ADIRF: variants seen among roughly 807,000 people sequenced by gnomAD.
ADIRF encodes adipogenesis factor rich in obesity.
ADIRF carries 9 observed loss-of-function variants against 7.8 expected under a neutral mutation model. The observed-to-expected ratio is 1.15, with a 90% CI of 0.70 to 2.01. ADIRF has a LOEUF of 2.01. Among genes scored for constraint, ADIRF ranks in the 30% most tolerant of loss-of-function variants. The pLI is 0.00. For synonymous variants in ADIRF, 48 were observed against 39.9 expected, an observed-to-expected ratio of 1.20 and a Z score of -0.77; for missense variants, 106 against 98.1, an observed-to-expected ratio of 1.08 and a Z score of -0.34.
chr10:86,968,517 TTGAC>T lies in ADIRF; in HGVS notation c.-27_-24del, dbSNP rs1367109724. ...GGATCCAACGTCGCTCCAGCTGCTCTTGACGACTCCACAGATACCCCGAAGCCAT... is the reference window on the plus strand; with the variant it reads ...GGATCCAACGTCGCTCCAGCTGCTCTGACTCCACAGATACCCCGAAGCCAT... On this transcript the variant is annotated 5_prime_UTR_variant, in exon 1 of 3. Transcript: ENST00000372013. 14 of 1,613,104 alleles carry T rather than the reference TTGAC, an allele frequency of 8.7e-6. No individual in the cohort carries two copies. Among genetic ancestry groups the T allele is most frequent in the Non-Finnish European group, 1.2e-5 (14 of 1,179,660 alleles).
In ADIRF at chr10:86,970,314, C is replaced by G. The variant is rs773261274; in HGVS notation, c.124+52C>G. 6.6e-6 allele frequency: 10 copies of G among 1,504,112 alleles called. No individual in the cohort carries two copies. The African/African-American group carries it at 1.1e-4, about 17-fold the overall frequency. 93.2% of individuals were successfully genotyped at this position (1,504,112 alleles called of 1,614,324 possible). On this transcript the variant is annotated intron_variant, in intron 2 of 2. Transcript: ENST00000372013. ...CAACCCCAGCACACCTCCCACTCCCCGCCCCATCCCGGCTGGGGCCCAGGC... is the reference window on the plus strand; with the variant it reads ...CAACCCCAGCACACCTCCCACTCCCGGCCCCATCCCGGCTGGGGCCCAGGC...
At chr10:86,970,145 A>G in intron 1 of ADIRF, 55 bp from the exon 2 acceptor site, 1 of 1,397,738 alleles carries the variant, frequency 7.2e-7, no homozygotes, top group Non-Finnish European at 9.4e-7. Context: ...ATGGTGGGGC[A>G]CCTGTAGTCG....
chr10:86,968,569 C>T lies in ADIRF; in HGVS notation c.25C>T (p.Leu9=). ...CATGGCAAGCAAGGGCTTGCAGGACCTGAAGCAACAGGTGGAGGGGACCGC... is the reference window on the plus strand; with the variant it reads ...CATGGCAAGCAAGGGCTTGCAGGACTTGAAGCAACAGGTGGAGGGGACCGC... The part of the protein sequence containing the change: MASKGLQD[L]KQQVEGTAQE... Residue 9 remains leucine, a synonymous_variant, in exon 1 of 3, where the codon CTG becomes TTG. Transcript: ENST00000372013. The T allele has an allele frequency of 1.9e-6, 3 of 1,613,624 alleles. No homozygotes were observed. Among genetic ancestry groups the T allele is most frequent in the South Asian group, 1.1e-5 (1 of 91,042 alleles).
At position 86,970,286 on chromosome 10, in the gene ADIRF, G is replaced by A. The variant is rs761430781; in HGVS notation, c.124+24G>A. 72 of 1,475,782 alleles carry A rather than the reference G, an allele frequency of 4.9e-5. No homozygotes were observed. The South Asian group carries it at 7.9e-4, about 16-fold the overall frequency. 91.4% of individuals were successfully genotyped at this position (1,475,782 alleles called of 1,614,324 possible). A position where few individuals can be genotyped will look rare whatever the true frequency, so the allele number is the denominator to read the frequency against. On this transcript the variant is annotated intron_variant, in intron 2 of 2. Coordinates refer to ENST00000372013, the MANE Select transcript of ADIRF (RefSeq NM_006829.3). ...AGGTCTGGTGGGGCTGGAGGGAGGC[G>A]GGCAACCCCAGCACACCTCCCACTC...
In ADIRF at chr10:86,968,559, C is replaced by T. The variant is rs771267919; in HGVS notation, c.15C>T (p.Gly5=). The change falls in exon 1 of 3, where the codon GGC becomes GGT. Residue 5 remains glycine (G), a synonymous_variant. Transcript: ENST00000372013. MASK[G]LQDLKQQVEG... is the part of the protein sequence containing the mutation. The stretch of plus-strand genomic sequence containing the variant: ...ACCCCGAAGCCATGGCAAGCAAGGG[C>T]TTGCAGGACCTGAAGCAACAGGTGG... The T allele has an allele frequency of 6.2e-7, 1 of 1,613,620 alleles. No individual in the cohort carries two copies. The highest frequency in any genetic ancestry group is 1.3e-5 in the African/African-American group (1 of 75,036).
chr10:86,970,790 A>C lies in ADIRF; in HGVS notation c.*208A>C. 1.6e-6 allele frequency: 1 copy of C among 644,538 alleles called. No individual in the cohort carries two copies. The allele number at this position is 644,538 out of a possible 1,614,324, so 39.9% of individuals were successfully genotyped here. A position where few individuals can be genotyped will look rare whatever the true frequency, so the allele number is the denominator to read the frequency against. ...GGCCCAGTCCTCTCATCCCAAGAGC[A>C]GAGCCACCGTAGCCGGAGTCCTAGC... On this transcript the variant is annotated 3_prime_UTR_variant, in exon 3 of 3. Coordinates refer to ENST00000372013, the MANE Select transcript of ADIRF (RefSeq NM_006829.3).
Position 86,970,886 on chromosome 10 carries a change from T to C in ADIRF, c.*304T>C. 4.2e-6 allele frequency: 2 copies of C among 470,690 alleles called. No individual in the cohort carries two copies. Among genetic ancestry groups the C allele is most frequent in the Admixed American group, 4.7e-5 (2 of 42,864 alleles). The allele number at this position is 470,690 out of a possible 1,614,324, so 29.2% of individuals were successfully genotyped here. ...CATCCCGCCACGCGCCTCCCGAAGC[T>C]CCCAGACCGGAGGCTCAGCCCCCAT... On this transcript the variant is annotated 3_prime_UTR_variant, in exon 3 of 3. Coordinates refer to ENST00000372013, the MANE Select transcript of ADIRF (RefSeq NM_006829.3).
In ADIRF at chr10:86,970,573, C is replaced by A; in HGVS notation, c.222C>A (p.Leu74=). The change falls in exon 3 of 3, where the codon CTC becomes CTA. Residue 74 remains leucine, a synonymous_variant. Coordinates refer to ENST00000372013, the MANE Select transcript of ADIRF (RefSeq NM_006829.3). ...TFSGIGKKFG[L]LK ...CTGGGATTGGGAAAAAATTCGGCCT[C>A]CTGAAATGACAGCAGGGAGACTTGG... is the stretch of plus-strand genomic sequence containing the variant. 6.2e-7 allele frequency: 1 copy of A among 1,609,360 alleles called. No individual in the cohort carries two copies. Among genetic ancestry groups the A allele is most frequent in the South Asian group, 1.1e-5 (1 of 90,418 alleles).
At chr10:86,970,424 A>C in intron 2 of ADIRF, 52 bp from the exon 3 acceptor site, 2 of 1,550,786 alleles carry the variant, frequency 1.3e-6, no homozygotes, top group Non-Finnish European at 1.8e-6. Flanking sequence ...GCCTACAGGC[A>C]CTGTGGTTCC....
Position 86,970,693 on chromosome 10 carries a change from C to T in ADIRF, c.*111C>T. 1.1e-6 allele frequency: 1 copy of T among 884,962 alleles called. No homozygotes were observed. 54.8% of individuals were successfully genotyped at this position (884,962 alleles called of 1,614,324 possible). On this transcript the variant is annotated 3_prime_UTR_variant, in exon 3 of 3. Transcript: ENST00000372013. ...GGCCCTGATCTCCGGGCAGCCACCA[C>T]CTCCTCGGTCTGCCCCCTCATTAAA...
rs1441920552 is a variant in ADIRF, at chr10:86,970,504, G to C, written c.153G>C (p.Gln51His). 4 of 1,613,588 alleles carry C rather than the reference G, an allele frequency of 2.5e-6. No individual in the cohort carries two copies. The South Asian group carries it at 4.4e-5, about 18-fold the overall frequency. Residue 51 changes from glutamine to histidine, a missense_variant, in exon 3 of 3, where the codon CAG becomes CAC. Physicochemically the swap from Gln to His is conservative, Grantham distance 24 (BLOSUM62 0). Coordinates refer to ENST00000372013, the MANE Select transcript of ADIRF (RefSeq NM_006829.3). ...TGGACCAGCTGGCCAAGACCACCCA[G>C]GAAACCATCGACAAGACTGCTAACC... ...KAMDQLAKTT[Q>H]ETIDKTANQA...
intron 1 of ADIRF, chr10:86,969,909 T>G (rs907137949): frequency 3.9e-6 from 1 of 259,498 alleles, no homozygotes; most frequent in Non-Finnish European, 7.3e-6. Flanking sequence ...TGCCCTGCCT[T>G]CCTTCCTCTG....
chr10:86,968,758 G>A (rs889368175), intron 1 of ADIRF, 153 bp downstream of exon 1: 5 of 780,858 alleles, frequency 6.4e-6, no homozygotes, highest in African/African-American at 3.6e-5. Flanking sequence ...CAGGCAGAAC[G>A]CCCACCCCGG....
At position 86,968,617 on chromosome 10, in the gene ADIRF, G is replaced by T; in HGVS notation, c.61+12G>T. ...CGCCCAGGAAGCCGGTGAGGATAGC[G>T]CGCGACCTAGGGCTCAGGCAGGGGC... On this transcript the variant is annotated intron_variant, in intron 1 of 2. Transcript: ENST00000372013. The T allele has an allele frequency of 6.2e-7, 1 of 1,612,516 alleles. No homozygotes were observed.
In ADIRF at chr10:86,968,486, T is replaced by G; in HGVS notation, c.-59T>G. 6.2e-7 allele frequency: 1 copy of G among 1,603,374 alleles called. No individual in the cohort carries two copies. The highest frequency in any genetic ancestry group is 8.5e-7 in the Non-Finnish European group (1 of 1,173,060). On this transcript the variant is annotated 5_prime_UTR_variant, in exon 1 of 3. Transcript: ENST00000372013. ...GAGCTGGCGCTTGGCATCGCCACTC[T>G]GGGCAGGATCCAACGTCGCTCCAGC...
Position 86,970,206 on chromosome 10 carries a change from C to T in ADIRF, c.68C>T (p.Ala23Val), listed in dbSNP as rs761175841. The T allele has an allele frequency of 2.1e-6, 3 of 1,452,830 alleles. No homozygotes were observed. The highest frequency in any genetic ancestry group is 2.7e-6 in the Non-Finnish European group (3 of 1,099,558). 90.0% of individuals were successfully genotyped at this position (1,452,830 alleles called of 1,614,324 possible). A position where few individuals can be genotyped will look rare whatever the true frequency, so the allele number is the denominator to read the frequency against. The change falls in exon 2 of 3, where the codon GCG (alanine) becomes GTG (valine). Residue 23 changes from alanine (A) to valine (V), a missense_variant. Ala to Val is a moderately conservative substitution (Grantham distance 64). Coordinates refer to ENST00000372013, the MANE Select transcript of ADIRF (RefSeq NM_006829.3). ...CCACATCTCTCTGTTCCAGTGTCAG[C>T]GGCCGGAGCGGCAGCTCAGCAAGTG... ...VEGTAQEAVS[A>V]AGAAAQQVVD...
chr10:86,970,677 C>T lies in ADIRF; in HGVS notation c.*95C>T. 9.4e-7 allele frequency: 1 copy of T among 1,059,322 alleles called. No individual in the cohort carries two copies. The highest frequency in any genetic ancestry group is 1.4e-5 in the South Asian group (1 of 73,832). 65.6% of individuals were successfully genotyped at this position (1,059,322 alleles called of 1,614,324 possible). A position where few individuals can be genotyped will look rare whatever the true frequency, so the allele number is the denominator to read the frequency against. On this transcript the variant is annotated 3_prime_UTR_variant, in exon 3 of 3. Transcript: ENST00000372013. ...CCATCTAGCACAGCCTGGCCCTGATCTCCGGGCAGCCACCACCTCCTCGGT... is the reference window on the plus strand; with the variant it reads ...CCATCTAGCACAGCCTGGCCCTGATTTCCGGGCAGCCACCACCTCCTCGGT...
At chr10:86,970,161 G>GC in intron 1 of ADIRF, 39 bp from the exon 2 acceptor site, 2 of 1,426,958 alleles carry the variant, frequency 1.4e-6, no homozygotes, top group Non-Finnish European at 1.8e-6. Context: ...AGTCGGTGGT[G>GC]CCTCAACAGG....
In ADIRF at chr10:86,970,568, G is replaced by C. The variant is rs781682872; in HGVS notation, c.217G>C (p.Gly73Arg). 2.5e-6 allele frequency: 4 copies of C among 1,610,134 alleles called. No homozygotes were observed. In the Admixed American group the frequency reaches 6.7e-5, roughly 27 times the overall value. The stretch of plus-strand genomic sequence containing the variant: ...CTTCTCTGGGATTGGGAAAAAATTC[G>C]GCCTCCTGAAATGACAGCAGGGAGA... ...DTFSGIGKKF[G>R]LLK is the part of the protein sequence containing the mutation. The change falls in exon 3 of 3, where the codon GGC (glycine) becomes CGC (arginine). Residue 73 changes from glycine (G) to arginine (R), a missense_variant. Transcript: ENST00000372013.
Sources: gnomAD v4.1 joint callset for allele counts on GRCh38, gnomAD v4.1.1 for gene constraint, MANE v1.5 for transcripts, NCBI Gene and HGNC (gene_info 2026-07-23, HGNC 2026-07-21) for gene names.